The following PRKCG variants were observed in gnomAD, a reference collection of about 807,000 sequenced individuals.
The protein encoded by PRKCG is protein kinase C gamma, also known as protein kinase C gamma type.
In PRKCG, 28 loss-of-function variants were observed where a neutral mutation model predicts 82.0. That is an observed-to-expected ratio of 0.34 (90% CI 0.25 to 0.47). PRKCG has a LOEUF of 0.47. PRKCG is among the 20% of genes least tolerant of loss of function. The probability of loss-of-function intolerance (pLI) is 1.00; values close to 1 mark genes in which losing one functional copy is unlikely to be tolerated. For missense variants in PRKCG, 640 were observed against 952.7 expected, an observed-to-expected ratio of 0.67 and a Z score of 4.32; for synonymous variants, 383 against 376.6, an observed-to-expected ratio of 1.02 and a Z score of -0.20.
chr19:53,881,570 A>C (rs574552931), upstream of PRKCG, among the ~76,000 whole-genome samples: 2 of 152,244 alleles, frequency 1.3e-5, no homozygotes, highest in South Asian at 4.2e-4. Flanking sequence ...AAGAACCACG[A>C]CACCAAGACC....
At chr19:53,894,773 C>T (rs2068706041) in intron 9 of PRKCG, among the ~76,000 whole-genome samples, 1 of 152,192 alleles carries the variant, frequency 6.6e-6, no homozygotes, top group Non-Finnish European at 1.5e-5. Context: ...TACCCATTTT[C>T]TAGGGTGTCA....
At position 53,882,673 on chromosome 19, in the gene PRKCG, A is replaced by AG; in HGVS notation, c.170+14dup. 2.0e-6 allele frequency: 2 copies of AG among 1,006,118 alleles called. No homozygotes were observed. The highest frequency in any genetic ancestry group is 9.0e-5 in the East Asian group (2 of 22,158). 62.3% of individuals were successfully genotyped at this position (1,006,118 alleles called of 1,614,324 possible). A position where few individuals can be genotyped will look rare whatever the true frequency, so the allele number is the denominator to read the frequency against. Reference sequence around the variant, plus strand: ...TGCACCGACTTCATCTGGTGAGGGAAGGGGGCTGGGGGACTGGGGGACGAG... The same window carrying AG: ...TGCACCGACTTCATCTGGTGAGGGAAGGGGGGCTGGGGGACTGGGGGACGAG... On this transcript the variant is annotated intron_variant, in intron 1 of 17. Coordinates refer to ENST00000263431, the MANE Select transcript of PRKCG (RefSeq NM_002739.5). This position sits in a 1 kb window ranked among gnomAD's most constrained non-coding sequence, Gnocchi z 6.1.
chr19:53,897,441 T>A (rs1376378747), intron 9 of PRKCG, among the ~76,000 whole-genome samples: 2 of 152,130 alleles, frequency 1.3e-5, no homozygotes, highest in Non-Finnish European at 2.9e-5. Flanking sequence ...ACCCAGAAGC[T>A]TTTTACACAT....
chr19:53,899,239 G>A (rs1195978610), intron 11 of PRKCG, among the ~76,000 whole-genome samples: 5 of 152,162 alleles, frequency 3.3e-5, no homozygotes, highest in African/African-American at 1.2e-4. Context: ...TTGGGGGCGT[G>A]GCCAGGTGGA....
intron 11 of PRKCG, among the ~76,000 whole-genome samples, chr19:53,899,915 A>G (rs902269071): frequency 2.6e-5 from 4 of 152,158 alleles, no homozygotes; most frequent in African/African-American, 9.7e-5. Context: ...AGGAAGCCAG[A>G]ATTGCATCTG....
In PRKCG at chr19:53,884,294, AC is replaced by A. The variant is rs2068616104; in HGVS notation, c.285+56del. On this transcript the variant is annotated intron_variant, in intron 3 of 17. Transcript: ENST00000263431. The surrounding 1 kb of genome is among the most constrained non-coding windows in gnomAD (Gnocchi z 4.6). Reference sequence around the variant, plus strand: ...CTCCTCGGGCCGTGCCCCCGCCCTCACCCCCTCGGCGTCCGTCCCAATTTCT... The same window carrying A: ...CTCCTCGGGCCGTGCCCCCGCCCTCACCCCTCGGCGTCCGTCCCAATTTCT... 6.5e-7 allele frequency: 1 copy of A among 1,536,108 alleles called. No homozygotes were observed. The highest frequency in any genetic ancestry group is 9.0e-7 in the Non-Finnish European group (1 of 1,113,160).
chr19:53,898,789 G>GGGT (rs1555807847), intron 11 of PRKCG, among the ~76,000 whole-genome samples, 161 bp downstream of exon 11: 2 of 113,576 alleles, frequency 1.8e-5, no homozygotes, highest in Non-Finnish European at 3.6e-5. Flanking sequence ...GGCCGGGGGG[G>GGGT]GGTCCTTGGG....
Position 53,889,997 on chromosome 19 carries a change from CA to C in PRKCG, c.510del (p.Asp171MetfsTer5). 1 of 1,567,380 alleles carries C rather than the reference CA, an allele frequency of 6.4e-7. No homozygotes were observed. The highest frequency in any genetic ancestry group is 8.6e-7 in the Non-Finnish European group (1 of 1,158,496). ...CAGCTGGAGATCCGGGCTCCCACAG[CA>C]GATGAGATCCACGTAACTGGTGAGG... ...RLQLEIRAPT[A>X]DEIHVTVGEA... is the part of the protein sequence containing the mutation. On this transcript the variant is annotated frameshift_variant, in exon 5 of 18. Transcript: ENST00000263431. LOFTEE classifies it high-confidence loss of function. The surrounding 1 kb of genome is among the most constrained non-coding windows in gnomAD (Gnocchi z 4.4).
Position 53,900,152 on chromosome 19 carries a change from T to C in PRKCG, c.1282-81T>C. On this transcript the variant is annotated intron_variant, in intron 11 of 17. Transcript: ENST00000263431. The surrounding 1 kb of genome is among the most constrained non-coding windows in gnomAD (Gnocchi z 4.2). ...TTGGGTGCATCTGGAACCTTCCACG[T>C]CTGTCCTGAGTGATCAGGAAAGAAA... is the stretch of plus-strand genomic sequence containing the variant. The C allele has an allele frequency of 7.4e-7, 1 of 1,356,014 alleles. No homozygotes were observed. The highest frequency in any genetic ancestry group is 1.1e-6 in the Non-Finnish European group (1 of 946,232). The allele number at this position is 1,356,014 out of a possible 1,614,324, so 84.0% of individuals were successfully genotyped here.
intron 3 of PRKCG, among the ~76,000 whole-genome samples, chr19:53,886,052 A>C (rs2068628986): frequency 6.9e-6 from 1 of 144,196 alleles, no homozygotes; most frequent in Non-Finnish European, 1.5e-5. Context: ...ACAGAGCAAG[A>C]CTTTGTCTTG....
rs1391889799 is a variant in PRKCG, at chr19:53,882,763, T to C, written c.170+99T>C. ...GGAAGGAAGAAGGAGGGGGCTGTAGTCCCGACTCCCAGGTTCTAGGATGGC... is the reference window on the plus strand; with the variant it reads ...GGAAGGAAGAAGGAGGGGGCTGTAGCCCCGACTCCCAGGTTCTAGGATGGC... On this transcript the variant is annotated intron_variant, in intron 1 of 17. Transcript: ENST00000263431. The surrounding 1 kb of genome is among the most constrained non-coding windows in gnomAD (Gnocchi z 6.1). The C allele has an allele frequency of 4.1e-6, 6 of 1,473,396 alleles. No homozygotes were observed. Among genetic ancestry groups the C allele is most frequent in the African/African-American group, 1.4e-5 (1 of 71,132 alleles). 91.3% of individuals were successfully genotyped at this position (1,473,396 alleles called of 1,614,324 possible). A position where few individuals can be genotyped will look rare whatever the true frequency, so the allele number is the denominator to read the frequency against.
chr19:53,898,707 T>A, intron 11 of PRKCG, 79 bp downstream of exon 11: 1 of 1,346,610 alleles, frequency 7.4e-7, no homozygotes, highest in Non-Finnish European at 9.9e-7. Flanking sequence ...GATTCTGAGT[T>A]TAGGGCGAGG....
Position 53,906,697 on chromosome 19 carries a change from T to C in PRKCG, c.1906-10T>C, listed in dbSNP as rs575700585. The C allele has an allele frequency of 5.6e-6, 9 of 1,612,102 alleles. No homozygotes were observed. Among genetic ancestry groups the C allele is most frequent in the East Asian group, 2.2e-5 (1 of 44,828 alleles). ...GCTGCTTAACTTTCCCTCCCCCACG[T>C]CTCCCACAGTGTGGCCGCAGCGGCG... On this transcript the variant is annotated splice_polypyrimidine_tract_variant and intron_variant, in intron 17 of 17. Transcript: ENST00000263431.
chr19:53,903,174 G>C lies in PRKCG; in HGVS notation c.1656+21G>C, dbSNP rs554258614. ...GACAGGTAAGGGAAGGTGGGGAGAA[G>C]CTGGCTTGGCTAAAAGAGACAGAGA... is the stretch of plus-strand genomic sequence containing the variant. On this transcript the variant is annotated intron_variant, in intron 15 of 17. Coordinates refer to ENST00000263431, the MANE Select transcript of PRKCG (RefSeq NM_002739.5). 4 of 1,599,614 alleles carry C rather than the reference G, an allele frequency of 2.5e-6. No individual in the cohort carries two copies. The African/African-American group carries it at 5.4e-5, about 21-fold the overall frequency.
Position 53,889,634 on chromosome 19 carries a change from C to A in PRKCG, c.286-4C>A. The A allele has an allele frequency of 6.2e-7, 1 of 1,613,872 alleles. No homozygotes were observed. The highest frequency in any genetic ancestry group is 2.2e-5 in the East Asian group (1 of 44,830). The stretch of plus-strand genomic sequence containing the variant: ...CCCCCTAAGCCAGTCTTCTCTGCCC[C>A]CAGGACCCCCGGAACAAACACAAGT... On this transcript the variant is annotated splice_polypyrimidine_tract_variant and splice_region_variant and intron_variant, in intron 3 of 17. Coordinates refer to ENST00000263431, the MANE Select transcript of PRKCG (RefSeq NM_002739.5). This position sits in a 1 kb window ranked among gnomAD's most constrained non-coding sequence, Gnocchi z 4.4.
intron 8 of PRKCG, 124 bp from the exon 9 acceptor site, chr19:53,893,238 T>C (rs1327107429): frequency 7.6e-7 from 1 of 1,308,494 alleles, no homozygotes; most frequent in Non-Finnish European, 1.1e-6. Context: ...AGCCCCAGGG[T>C]CTGATGGGAA....
Position 53,889,976 on chromosome 19 carries a change from T to G in PRKCG, c.488T>G (p.Leu163Arg). Residue 163 changes from leucine to arginine, a missense_variant, in exon 5 of 18, where the codon CTG becomes CGG. Leu to Arg is a moderately radical substitution (Grantham distance 102). Coordinates refer to ENST00000263431, the MANE Select transcript of PRKCG (RefSeq NM_002739.5). The surrounding 1 kb of genome is among the most constrained non-coding windows in gnomAD (Gnocchi z 4.4). Reference sequence around the variant, plus strand: ...ACCGAGCGCCGCGGGCGCCTGCAGCTGGAGATCCGGGCTCCCACAGCAGAT... The same window carrying G: ...ACCGAGCGCCGCGGGCGCCTGCAGCGGGAGATCCGGGCTCCCACAGCAGAT... ...DHTERRGRLQ[L>R]EIRAPTADEI... 1 of 1,573,694 alleles carries G rather than the reference T, an allele frequency of 6.4e-7. No individual in the cohort carries two copies. Among genetic ancestry groups the G allele is most frequent in the Non-Finnish European group, 8.6e-7 (1 of 1,161,422 alleles).
chr19:53,882,562 G>A lies in PRKCG; in HGVS notation c.68G>A (p.Gly23Glu), dbSNP rs1599937005. ...CCCCGGCCCCTGTTTTGCAGAAAGG[G>A]GGCCCTGAGGCAGAAGGTGGTCCAC... The part of the protein sequence containing the change: ...GGPRPLFCRK[G>E]ALRQKVVHEV... Residue 23 changes from glycine (G) to glutamate (E), a missense_variant, in exon 1 of 18, where the codon GGG (glycine) becomes GAG (glutamate). Gly to Glu is a moderately conservative substitution (Grantham distance 98). Around this residue, in one of 7 missense-constraint regions of PRKCG, gnomAD observed 50 missense variants for 146.5 expected, o/e 0.34. Coordinates refer to ENST00000263431, the MANE Select transcript of PRKCG (RefSeq NM_002739.5). This position sits in a 1 kb window ranked among gnomAD's most constrained non-coding sequence, Gnocchi z 6.1. 6.2e-7 allele frequency: 1 copy of A among 1,614,126 alleles called. No individual in the cohort carries two copies. The highest frequency in any genetic ancestry group is 1.1e-5 in the South Asian group (1 of 91,078).
intron 14 of PRKCG, among the ~76,000 whole-genome samples, chr19:53,902,106 TC>T (rs1315537502): frequency 6.6e-6 from 1 of 152,020 alleles, no homozygotes; most frequent in East Asian, 1.9e-4. Flanking sequence ...GTAATCAGAA[TC>T]ATCTGTAGAA....
Sources: allele counts gnomAD v4.1 joint callset (sites outside exome capture counted in the v4.1 genomes callset), GRCh38; gene constraint gnomAD v4.1.1; regional missense constraint gnomAD v4.1.1; non-coding constraint Gnocchi (gnomAD v3.1); transcripts MANE v1.5; gene names NCBI Gene and HGNC (gene_info 2026-07-23, HGNC 2026-07-21).